Variants in TMEM26 observed in about 807,000 individuals in gnomAD.
TMEM26 encodes the protein transmembrane protein 26.
A neutral mutation model predicts 28.8 loss-of-function variants in TMEM26; 38 were observed. The observed-to-expected ratio is 1.32, with a 90% confidence interval of 1.02 to 1.73. The LOEUF (loss-of-function observed/expected upper bound fraction) is 1.73, where lower values mean the gene tolerates loss of function less well. Among genes scored for constraint, TMEM26 ranks in the 40% most tolerant of loss-of-function variants. The pLI, the probability that TMEM26 is intolerant of heterozygous loss-of-function variation, is 0.00. For missense variants in TMEM26, 518 were observed against 447.1 expected (o/e 1.16, Z -1.43); for synonymous variants, 227 against 182.9 (o/e 1.24, Z -1.95).
At chr10:61,432,737 A>G (rs1209499272) in intron 2 of TMEM26, among the ~76,000 whole-genome samples, 2 of 152,174 alleles carry the variant, frequency 1.3e-5, no homozygotes, top group African/African-American at 4.8e-5. Context: ...GCTACTTGAA[A>G]AAACAGAAAA....
In TMEM26 at chr10:61,452,895, T is replaced by G. The variant is rs888168627; in HGVS notation, c.187A>C (p.Lys63Gln). Reference protein sequence around the residue: ...TLKFKRGRGYKWFSPAIFLYL... With the variant: ...TLKFKRGRGYQWFSPAIFLYL... ...GCTTTCCCGGGGCACTCTCACCATT[T>G]GTAGCCTCTGCCGCGCTTGAACTTG... The change falls in exon 1 of 6, where the codon AAA (lysine) becomes CAA (glutamine). Residue 63 changes from lysine (K) to glutamine (Q), a missense_variant. By Grantham distance (53) the Lys-to-Gln change is moderately conservative. Coordinates refer to ENST00000399298, the MANE Select transcript of TMEM26 (RefSeq NM_178505.8). 3.1e-6 allele frequency: 5 copies of G among 1,612,744 alleles called. No homozygotes were observed. The highest frequency in any genetic ancestry group is 4.2e-6 in the Non-Finnish European group (5 of 1,178,976).
At position 61,421,938 on chromosome 10, in the gene TMEM26, C is replaced by CAT. The variant is rs201119505; in HGVS notation, c.605+6986_605+6987dup. 9.4e-4 allele frequency among the ~76,000 whole-genome samples: 142 copies of CAT among 151,318 alleles called. 1 individual carries two copies. The highest frequency in any genetic ancestry group is 2.4e-3 in the Admixed American group (36 of 15,178). ...GTTTATAAGGGACAGAATGTAGATA[C>CAT]ATATATATATATAATTTGAAAGTAA... On this transcript the variant is annotated intron_variant, in intron 4 of 5. Coordinates refer to ENST00000399298, the MANE Select transcript of TMEM26 (RefSeq NM_178505.8).
chr10:61,441,704 C>T (rs1840096063), intron 1 of TMEM26, among the ~76,000 whole-genome samples: 1 of 152,146 alleles, frequency 6.6e-6, no homozygotes, highest in South Asian at 2.1e-4. Flanking sequence ...ATGACTAATA[C>T]ATGTCCAAGT....
At chr10:61,435,084 A>C (rs535169794) in intron 2 of TMEM26, among the ~76,000 whole-genome samples, 109 of 152,338 alleles carry the variant, frequency 7.2e-4, no homozygotes, top group African/African-American at 2.5e-3. Flanking sequence ...CATCAACAGC[A>C]GTATATGACT....
At chr10:61,416,434 T>C (rs533535701) in intron 4 of TMEM26, among the ~76,000 whole-genome samples, 1 of 152,184 alleles carries the variant, frequency 6.6e-6, no homozygotes, top group African/African-American at 2.4e-5. Context: ...TGCTTTAGTT[T>C]ACCCATTTAC....
At chr10:61,425,338 C>G (rs1350927674) in intron 4 of TMEM26, among the ~76,000 whole-genome samples, 3 of 152,012 alleles carry the variant, frequency 2.0e-5, no homozygotes, top group Non-Finnish European at 4.4e-5. Flanking sequence ...GGGACACAGC[C>G]AAACCATATC....
intron 3 of TMEM26, among the ~76,000 whole-genome samples, chr10:61,430,587 C>T (rs1250337116): frequency 1.3e-5 from 2 of 149,914 alleles, no homozygotes; most frequent in Non-Finnish European, 3.0e-5. Context: ...AAAAAAAAAC[C>T]TCCTGAAACT....
chr10:61,433,977 G>A (rs143858055), intron 2 of TMEM26, among the ~76,000 whole-genome samples: 90 of 152,184 alleles, frequency 5.9e-4, no homozygotes, highest in African/African-American at 2.1e-3. Context: ...CCTAACCTAT[G>A]GAGTTGTTGG....
At position 61,406,959 on chromosome 10, in the gene TMEM26, T is replaced by G. The variant is rs1839504513; in HGVS notation, c.*3363A>C. The stretch of plus-strand genomic sequence containing the variant: ...TGTCCTCTAAGTAAAAAGCCAAGTC[T>G]GAAATTAGAAAAAAAAAAAATCCCC... On this transcript the variant is annotated 3_prime_UTR_variant, in exon 6 of 6. Transcript: ENST00000399298. 1 of 151,538 alleles carries G rather than the reference T, an allele frequency of 6.6e-6. No homozygotes were observed. Among genetic ancestry groups the G allele is most frequent in the Admixed American group, 6.6e-5 (1 of 15,182 alleles). The allele number at this position is 151,538 out of a possible 1,614,324, so 9.4% of individuals were successfully genotyped here. A position where few individuals can be genotyped will look rare whatever the true frequency, so the allele number is the denominator to read the frequency against.
chr10:61,418,200 G>C (rs1252761296), intron 4 of TMEM26, among the ~76,000 whole-genome samples: 1 of 151,952 alleles, frequency 6.6e-6, no homozygotes, highest in Non-Finnish European at 1.5e-5. Context: ...TCAAGAACTA[G>C]GAAAACTTTT....
At position 61,431,343 on chromosome 10, in the gene TMEM26, G is replaced by T; in HGVS notation, c.271-11C>A. The T allele has an allele frequency of 1.2e-6, 2 of 1,607,388 alleles. No individual in the cohort carries two copies. Among genetic ancestry groups the T allele is most frequent in the Admixed American group, 1.7e-5 (1 of 59,868 alleles). ...CTGGATACTGCAATACTAAGAATGG[G>T]GTCAGGGAAGGCAATTATGGCAAAA... On this transcript the variant is annotated splice_polypyrimidine_tract_variant and intron_variant, in intron 2 of 5. Transcript: ENST00000399298.
Position 61,429,175 on chromosome 10 carries a change from G to A in TMEM26, c.385-29C>T, listed in dbSNP as rs774484345. The A allele has an allele frequency of 2.1e-5, 33 of 1,574,684 alleles. No homozygotes were observed. In the South Asian group the frequency reaches 3.5e-4, roughly 17 times the overall value. ...TTTAACAGAAATGTCATACAGACAG[G>A]ATTATCAGCCACCACCTGAGAGAGA... On this transcript the variant is annotated intron_variant, in intron 3 of 5. Transcript: ENST00000399298.
At chr10:61,413,920 G>A in intron 4 of TMEM26, 7 of 988,324 alleles carry the variant, frequency 7.1e-6, no homozygotes, top group Non-Finnish European at 8.4e-6. Context: ...ATTATTCTAA[G>A]AAACCAGGGA....
At chr10:61,442,876 A>G (rs374432935) in intron 1 of TMEM26, among the ~76,000 whole-genome samples, 2 of 152,190 alleles carry the variant, frequency 1.3e-5, no homozygotes, top group East Asian at 3.9e-4. Context: ...ATGATGACCA[A>G]TATAACAACC....
chr10:61,453,297 C>A lies in TMEM26; in HGVS notation c.-216G>T, dbSNP rs547556049. 1.6e-5 allele frequency: 9 copies of A among 554,838 alleles called. No homozygotes were observed. The East Asian group carries it at 2.6e-4, about 16-fold the overall frequency. 34.4% of individuals were successfully genotyped at this position (554,838 alleles called of 1,614,324 possible). A position where few individuals can be genotyped will look rare whatever the true frequency, so the allele number is the denominator to read the frequency against. On this transcript the variant is annotated 5_prime_UTR_variant, in exon 1 of 6. Coordinates refer to ENST00000399298, the MANE Select transcript of TMEM26 (RefSeq NM_178505.8). ...AGAACTCTTCAAAGAGGGGTGAGTC[C>A]AAACCCAGCTTTTCCAGACTGCTGG...
chr10:61,446,946 C>G (rs1218869008), intron 1 of TMEM26, among the ~76,000 whole-genome samples: 1 of 147,988 alleles, frequency 6.8e-6, no homozygotes, highest in Non-Finnish European at 1.5e-5. Flanking sequence ...AAGACTTGCT[C>G]CCATCAGGGC....
chr10:61,448,618 TG>T (rs1294506005), intron 1 of TMEM26, among the ~76,000 whole-genome samples: 14 of 145,962 alleles, frequency 9.6e-5, no homozygotes, highest in Admixed American at 4.9e-4. Context: ...TCTGTTTTTT[TG>T]TTTTTTTTTT....
In TMEM26 at chr10:61,429,195, G is replaced by A. The variant is rs181220008; in HGVS notation, c.385-49C>T. Reference sequence around the variant, plus strand: ...GACAGGATTATCAGCCACCACCTGAGAGAGAAATATTTTCCTCACTGTGCT... The same window carrying A: ...GACAGGATTATCAGCCACCACCTGAAAGAGAAATATTTTCCTCACTGTGCT... On this transcript the variant is annotated intron_variant, in intron 3 of 5. Coordinates refer to ENST00000399298, the MANE Select transcript of TMEM26 (RefSeq NM_178505.8). The A allele has an allele frequency of 3.2e-4, 480 of 1,488,810 alleles. 5 individuals are homozygous for A. The East Asian group carries it at 0.01, about 32-fold the overall frequency. The allele number at this position is 1,488,810 out of a possible 1,614,324, so 92.2% of individuals were successfully genotyped here.
chr10:61,444,559 T>A (rs1165814781), intron 1 of TMEM26, among the ~76,000 whole-genome samples: 14 of 151,634 alleles, frequency 9.2e-5, no homozygotes, highest in African/African-American at 3.2e-4. Flanking sequence ...AGCCAGACAC[T>A]CTTGTATGTA....
Sources: gnomAD v4.1 joint callset for allele counts (sites outside exome capture counted in the v4.1 genomes callset) on GRCh38, gnomAD v4.1.1 for gene constraint, MANE v1.5 for transcripts, NCBI Gene and HGNC (gene_info 2026-07-23, HGNC 2026-07-21) for gene names.